The following PLCG2 variants were observed in gnomAD, a reference collection of about 807,000 sequenced individuals.
PLCG2 encodes phospholipase C gamma 2, also known as 1-phosphatidylinositol 4,5-bisphosphate phosphodiesterase gamma-2.
PLCG2 carries 69 observed loss-of-function variants against 175.6 expected under a neutral mutation model. The observed-to-expected ratio is 0.39, with a 90% CI of 0.32 to 0.48. PLCG2 has a LOEUF of 0.48. PLCG2 is among the 20% of genes least tolerant of loss of function. PLCG2 has a pLI of 0.91. For synonymous variants in PLCG2, 827 were observed against 624.0 expected (o/e 1.33, Z -4.85); for missense variants, 1,798 against 1,650.9 (o/e 1.09, Z -1.54).
chr16:81,940,793 G>A (rs1273401418), intron 30 of PLCG2, among the ~76,000 whole-genome samples: 1 of 152,118 alleles, frequency 6.6e-6, no homozygotes, highest in Non-Finnish European at 1.5e-5. Context: ...AAAAAAAACT[G>A]GCTCTCCTTA....
In PLCG2 at chr16:81,837,428, G is replaced by A. The variant is rs544888153; in HGVS notation, c.194-17016G>A. Among the ~76,000 whole-genome samples the A allele has an allele frequency of 8.8e-4, 134 of 152,370 alleles. 1 individual carries two copies. The highest frequency in any genetic ancestry group is 3.0e-3 in the African/African-American group (124 of 41,592). On this transcript the variant is annotated intron_variant, in intron 2 of 32. Transcript: ENST00000564138. ...TGCCCAGCTTATCAGGAGGCTGCATGAACATCTATTTCTAGCTGGGCGGGA... is the reference window on the plus strand; with the variant it reads ...TGCCCAGCTTATCAGGAGGCTGCATAAACATCTATTTCTAGCTGGGCGGGA...
intron 2 of PLCG2, among the ~76,000 whole-genome samples, chr16:81,832,879 G>A (rs1449885304): frequency 1.3e-5 from 2 of 152,198 alleles, no homozygotes; most frequent in African/African-American, 4.8e-5. Flanking sequence ...TAAGTGCCCA[G>A]ATAGGAAGGT....
chr16:81,777,120 A>C (rs1210711638), upstream of PLCG2, among the ~76,000 whole-genome samples: 2 of 78,262 alleles, frequency 2.6e-5, no homozygotes, highest in South Asian at 4.7e-4. Flanking sequence ...GGCATAGATT[A>C]AACAGAGAAA....
At chr16:81,863,306 C>T (rs1480610464) in intron 5 of PLCG2, among the ~76,000 whole-genome samples, 1 of 152,186 alleles carries the variant, frequency 6.6e-6, no homozygotes, top group African/African-American at 2.4e-5. Flanking sequence ...GAATATTTGT[C>T]CTTTTGTATC....
Position 81,956,783 on chromosome 16 carries a change from A to G in PLCG2, c.3659A>G (p.His1220Arg). 1 of 1,614,160 alleles carries G rather than the reference A, an allele frequency of 6.2e-7. No homozygotes were observed. Among genetic ancestry groups the G allele is most frequent in the Non-Finnish European group, 8.5e-7 (1 of 1,180,006 alleles). ...AACCAGCTCTTTCTGTATGACACAC[A>G]CCAGAACTTGCGCAATGCCAACCGG... ...LNNQLFLYDT[H>R]QNLRNANRDA... The change falls in exon 32 of 33, where the codon CAC becomes CGC. Residue 1220 changes from histidine (H) to arginine (R), a missense_variant. His to Arg is a conservative substitution (Grantham distance 29). Coordinates refer to ENST00000564138, the MANE Select transcript of PLCG2 (RefSeq NM_002661.5).
At chr16:81,871,243 C>T (rs1222740977) in intron 7 of PLCG2, among the ~76,000 whole-genome samples, 1 of 152,190 alleles carries the variant, frequency 6.6e-6, no homozygotes, top group Admixed American at 6.5e-5. Context: ...CACTCTACTG[C>T]ATTATTTCAT....
chr16:81,923,394 A>T (rs41311272), intron 21 of PLCG2, 91 bp from the exon 22 acceptor site: 9 of 727,156 alleles, frequency 1.2e-5, no homozygotes, highest in Middle Eastern at 2.4e-4. Flanking sequence ...CTGCTCCCCA[A>T]TGAGAAGAAC....
At chr16:81,860,789 G>A (rs1188542391) in intron 5 of PLCG2, among the ~76,000 whole-genome samples, 2 of 152,030 alleles carry the variant, frequency 1.3e-5, no homozygotes, top group African/African-American at 4.8e-5. Flanking sequence ...TGGGCAACAC[G>A]GTAAAACCCT....
intron 29 of PLCG2, 78 bp from the exon 30 acceptor site, chr16:81,939,814 G>C (rs1298552343): frequency 2.1e-6 from 2 of 934,532 alleles, no homozygotes; most frequent in African/African-American, 3.3e-5. Context: ...GGGATTCACA[G>C]CTGAAGGATG....
At position 81,785,976 on chromosome 16, in the gene PLCG2, T is replaced by G; in HGVS notation, c.-14T>G. The G allele has an allele frequency of 1.2e-6, 2 of 1,610,322 alleles. No homozygotes were observed. The highest frequency in any genetic ancestry group is 1.7e-6 in the Non-Finnish European group (2 of 1,177,238). On this transcript the variant is annotated 5_prime_UTR_variant, in exon 2 of 33. Transcript: ENST00000564138. ...TTTCTCCCGATTCCTTCCTTCTCCC[T>G]GGAGCGGCCGACAATGTCCACCACG... is the stretch of plus-strand genomic sequence containing the variant.
chr16:81,908,626 TCTC>T (rs1277615227), intron 17 of PLCG2, 35 bp downstream of exon 17: 1 of 1,563,104 alleles, frequency 6.4e-7, no homozygotes, highest in East Asian at 2.3e-5. Context: ...CCTACCTTCT[TCTC>T]CATGCCAACC....
At chr16:81,830,477 T>C (rs1367780925) in intron 2 of PLCG2, among the ~76,000 whole-genome samples, 1 of 152,086 alleles carries the variant, frequency 6.6e-6, no homozygotes, top group Non-Finnish European at 1.5e-5. Flanking sequence ...TGGCTAATTT[T>C]TGTATTTTTA....
At chr16:81,849,317 A>G (rs984944487) in intron 2 of PLCG2, among the ~76,000 whole-genome samples, 7 of 152,314 alleles carry the variant, frequency 4.6e-5, no homozygotes, top group African/African-American at 1.7e-4. Flanking sequence ...AAATGGATAG[A>G]CGTTGACAGA....
chr16:81,840,860 A>G (rs1255697773), intron 2 of PLCG2, among the ~76,000 whole-genome samples: 2 of 152,192 alleles, frequency 1.3e-5, no homozygotes, highest in Admixed American at 1.3e-4. Flanking sequence ...GGGTGGATCC[A>G]GCTAGAACAA....
At chr16:81,805,783 G>GTTTT (rs35014411) in intron 2 of PLCG2, among the ~76,000 whole-genome samples, 2 of 82,916 alleles carry the variant, frequency 2.4e-5, no homozygotes, top group African/African-American at 5.5e-5. Context: ...TTTTTTTTTT[G>GTTTT]TTTTTTTTTT....
intron 2 of PLCG2, among the ~76,000 whole-genome samples, chr16:81,812,047 T>TC (rs1392498263): frequency 2.1e-5 from 3 of 141,370 alleles, no homozygotes; most frequent in African/African-American, 7.9e-5. Context: ...TCCTGACTTT[T>TC]TTTTTTTTTT....
chr16:81,848,201 C>G (rs771514321), intron 2 of PLCG2, among the ~76,000 whole-genome samples: 1 of 152,156 alleles, frequency 6.6e-6, no homozygotes, highest in Non-Finnish European at 1.5e-5. Flanking sequence ...TGATCTTTGA[C>G]AAAGGGGCAG....
At chr16:81,884,887 A>G (rs1478690268) in intron 9 of PLCG2, among the ~76,000 whole-genome samples, 2 of 149,560 alleles carry the variant, frequency 1.3e-5, no homozygotes, top group South Asian at 4.2e-4. Context: ...GCATTTTGCA[A>G]TTTTTTTTTT....
intron 4 of PLCG2, 30 bp from the exon 5 acceptor site, chr16:81,859,082 TTCTC>T (rs761918579): frequency 2.9e-6 from 4 of 1,371,188 alleles, no homozygotes; most frequent in Middle Eastern, 1.8e-4. Context: ...AATTTTCTCT[TTCTC>T]TCTTTCTTTT....
Sources: gnomAD v4.1 joint callset for allele counts (sites outside exome capture counted in the v4.1 genomes callset) on GRCh38, gnomAD v4.1.1 for gene constraint, MANE v1.5 for transcripts, NCBI Gene and HGNC (gene_info 2026-07-23, HGNC 2026-07-21) for gene names.